The following MGAT4C variants were observed in gnomAD, a reference collection of about 807,000 sequenced individuals.
MGAT4C encodes alpha-1,3-mannosyl-glycoprotein 4-beta-N-acetylglucosaminyltransferase C.
A neutral mutation model predicts 40.1 loss-of-function variants in MGAT4C; 19 were observed. The observed-to-expected ratio is 0.47, with a 90% CI of 0.33 to 0.70. The LOEUF is 0.70. MGAT4C is among the 30% of genes least tolerant of loss of function. The pLI, the probability that MGAT4C is intolerant of heterozygous loss-of-function variation, is 0.02. For missense variants in MGAT4C, 491 were observed against 563.2 expected, an observed-to-expected ratio of 0.87 and a Z score of 1.30; for synonymous variants, 181 against 187.1, an observed-to-expected ratio of 0.97 and a Z score of 0.27.
intron 1 of MGAT4C, among the ~76,000 whole-genome samples, chr12:86,763,588 T>C (rs1203805294): frequency 6.6e-6 from 1 of 152,214 alleles, no homozygotes; most frequent in East Asian, 1.9e-4. Context: ...AAATAATTCA[T>C]AATGATTCTG....
intron 2 of MGAT4C, among the ~76,000 whole-genome samples, chr12:86,660,807 A>G (rs972728036): frequency 2.0e-5 from 3 of 152,130 alleles, no homozygotes; most frequent in African/African-American, 7.2e-5. Context: ...GGGACATTCT[A>G]TATACCATCT....
At chr12:86,449,298 A>T (rs1479585260) in intron 2 of MGAT4C, among the ~76,000 whole-genome samples, 2 of 152,176 alleles carry the variant, frequency 1.3e-5, no homozygotes, top group Non-Finnish European at 2.9e-5. Context: ...ATAGTATGAC[A>T]TTATAGTGTT....
At chr12:86,171,971 G>A (rs1178842241) in intron 1 of MGAT4C, among the ~76,000 whole-genome samples, 2 of 152,172 alleles carry the variant, frequency 1.3e-5, no homozygotes, top group African/African-American at 2.4e-5. Context: ...ACCCTTGAGC[G>A]AGACTGGCTT....
Position 86,383,467 on chromosome 12 carries a change from G to A in MGAT4C, c.-119-49340C>T, listed in dbSNP as rs146339168. On this transcript the variant is annotated intron_variant, in intron 3 of 7. Transcript: ENST00000548651. The stretch of plus-strand genomic sequence containing the variant: ...CTTGGGAGGCTGAGGCAGGAGAATC[G>A]CTTGAACCTGGGGATGGAGGTTGCA... Among the ~76,000 whole-genome samples, 316 of 139,228 alleles carry A rather than the reference G, an allele frequency of 2.3e-3. 11 individuals are homozygous for A. In the East Asian group the frequency reaches 0.054, roughly 24 times the overall value. 91.3% of individuals were successfully genotyped at this position (139,228 alleles called of 152,430 possible). A position where few individuals can be genotyped will look rare whatever the true frequency, so the allele number is the denominator to read the frequency against.
At chr12:86,125,834 C>A (rs2135696869) in intron 1 of MGAT4C, among the ~76,000 whole-genome samples, 1 of 151,918 alleles carries the variant, frequency 6.6e-6, no homozygotes, top group Non-Finnish European at 1.5e-5. Context: ...CAAAAGGAAG[C>A]AATGAGTGAC....
At chr12:86,198,717 G>A (rs1348958798) in intron 1 of MGAT4C, among the ~76,000 whole-genome samples, 4 of 152,154 alleles carry the variant, frequency 2.6e-5, no homozygotes, top group Admixed American at 2.0e-4. Context: ...TGATTTGAGA[G>A]CATGTCTCTG....
intron 1 of MGAT4C, among the ~76,000 whole-genome samples, chr12:86,247,865 A>G (rs1013818326): frequency 1.3e-5 from 2 of 152,108 alleles, no homozygotes; most frequent in Non-Finnish European, 2.9e-5. Context: ...GTCACAAGGG[A>G]ATGGAAGGAA....
At chr12:86,284,400 G>C (rs1953296058) in intron 4 of MGAT4C, among the ~76,000 whole-genome samples, 1 of 151,738 alleles carries the variant, frequency 6.6e-6, no homozygotes, top group Non-Finnish European at 1.5e-5. Flanking sequence ...TAGAAGTAGT[G>C]ATTTCACCTA....
chr12:86,316,515 C>T (rs1324613283), intron 4 of MGAT4C, among the ~76,000 whole-genome samples: 2 of 152,166 alleles, frequency 1.3e-5, no homozygotes, highest in Non-Finnish European at 2.9e-5. Context: ...TACACATACA[C>T]CATGGGACAC....
intron 2 of MGAT4C, among the ~76,000 whole-genome samples, chr12:86,629,385 G>C (rs1345796717): frequency 6.6e-6 from 1 of 152,104 alleles, no homozygotes; most frequent in Non-Finnish European, 1.5e-5. Context: ...CTTGAACTCA[G>C]GTCTGCAACA....
At chr12:86,385,260 A>G (rs1413634072) in intron 3 of MGAT4C, among the ~76,000 whole-genome samples, 3 of 152,164 alleles carry the variant, frequency 2.0e-5, no homozygotes, top group African/African-American at 4.8e-5. Context: ...ATTTATAATA[A>G]TAAGAATAAT....
intron 1 of MGAT4C, among the ~76,000 whole-genome samples, chr12:86,206,356 T>G (rs969795061): frequency 6.6e-6 from 1 of 152,194 alleles, no homozygotes; most frequent in African/African-American, 2.4e-5. Context: ...TAAAATACCT[T>G]GAGACATTTT....
chr12:86,770,023 TA>T (rs201657827), intron 1 of MGAT4C, among the ~76,000 whole-genome samples: 5 of 151,806 alleles, frequency 3.3e-5, no homozygotes, highest in African/African-American at 9.7e-5. Flanking sequence ...AATAATAAAA[TA>T]AAAAAAGAAT....
chr12:86,389,837 C>G lies in MGAT4C; in HGVS notation c.-120+45320G>C, dbSNP rs77358762. 3.3e-3 allele frequency among the ~76,000 whole-genome samples: 505 copies of G among 152,040 alleles called. 4 individuals are homozygous for G. The highest frequency in any genetic ancestry group is 5.7e-3 in the Non-Finnish European group (388 of 67,956). ...TATGTGATAAACTGAATTATTGTTT[C>G]ATGAATGTTAAGGATTTCTTTTCTC... On this transcript the variant is annotated intron_variant, in intron 3 of 7. Coordinates refer to the MGAT4C transcript ENST00000548651.
At chr12:86,243,892 TG>T (rs572902579) in intron 1 of MGAT4C, among the ~76,000 whole-genome samples, 35 of 152,184 alleles carry the variant, frequency 2.3e-4, no homozygotes, top group Non-Finnish European at 4.6e-4. Context: ...CATCTAAATT[TG>T]TGGTAACTTG....
Position 86,007,726 on chromosome 12 carries a change from T to C in MGAT4C, c.-6-18174A>G, listed in dbSNP as rs925855767. 5.5e-4 allele frequency among the ~76,000 whole-genome samples: 83 copies of C among 152,230 alleles called. 1 individual carries two copies. Among genetic ancestry groups the C allele is most frequent in the African/African-American group, 1.9e-3 (80 of 41,566 alleles). On this transcript the variant is annotated intron_variant, in intron 2 of 4. Coordinates refer to ENST00000611864, the MANE Select transcript of MGAT4C (RefSeq NM_001351288.2). Reference sequence around the variant, plus strand: ...TTTTTCGATGAGCAGCCATTTTTAATGTTGTTGATAAAGTCAAGTTCATTA... The same window carrying C: ...TTTTTCGATGAGCAGCCATTTTTAACGTTGTTGATAAAGTCAAGTTCATTA...
At chr12:86,539,022 C>CT (rs933889531) in intron 2 of MGAT4C, among the ~76,000 whole-genome samples, 9 of 151,676 alleles carry the variant, frequency 5.9e-5, no homozygotes, top group African/African-American at 2.2e-4. Flanking sequence ...ATTCTAAAAA[C>CT]TTTTTTTTAA....
intron 1 of MGAT4C, among the ~76,000 whole-genome samples, chr12:86,102,866 A>G (rs1310422938): frequency 1.3e-5 from 2 of 152,136 alleles, no homozygotes; most frequent in Non-Finnish European, 2.9e-5. Context: ...TAGCCATTTA[A>G]ATTTAATAAT....
Position 86,577,827 on chromosome 12 carries a change from T to A in MGAT4C, c.-228-142562A>T, listed in dbSNP as rs182373296. Among the ~76,000 whole-genome samples, 12 of 151,902 alleles carry A rather than the reference T, an allele frequency of 7.9e-5. No homozygotes were observed. The East Asian group carries it at 2.3e-3, about 30-fold the overall frequency. ...AAGTTCTCAAAACCACTAATACAAG[T>A]CTCCAACTTATCTCTTCAAATATGT... On this transcript the variant is annotated intron_variant, in intron 2 of 7. Coordinates refer to the MGAT4C transcript ENST00000548651.
Sources: gnomAD v4.1 joint callset for allele counts (sites outside exome capture counted in the v4.1 genomes callset) on GRCh38, gnomAD v4.1.1 for gene constraint, MANE v1.5 for transcripts, NCBI Gene and HGNC (gene_info 2026-07-23, HGNC 2026-07-21) for gene names.